The following PPFIA1 variants were observed in gnomAD, a reference collection of about 807,000 sequenced individuals.
PPFIA1 encodes the protein liprin-alpha-1.
A neutral mutation model predicts 149.9 loss-of-function variants in PPFIA1; 25 were observed. The observed-to-expected ratio is 0.17, with a 90% CI of 0.12 to 0.23. The LOEUF (loss-of-function observed/expected upper bound fraction) is 0.23. Ranked by LOEUF, PPFIA1 falls within the 10% of genes least tolerant of loss-of-function variation. The probability of loss-of-function intolerance (pLI) is 1.00; values close to 1 mark genes in which losing one functional copy is unlikely to be tolerated. For missense variants in PPFIA1, 1,362 were observed against 1,506.5 expected (o/e 0.90, Z 1.59); for synonymous variants, 549 against 552.8 (o/e 0.99, Z 0.10).
chr11:70,367,672 T>C (rs755486097), intron 21 of PPFIA1: 18 of 453,744 alleles, frequency 4.0e-5, no homozygotes, highest in South Asian at 2.8e-4. Flanking sequence ...TGGGAGTTCA[T>C]GTTATAGGCC....
intron 2 of PPFIA1, among the ~76,000 whole-genome samples, chr11:70,299,810 G>A (rs574397683): frequency 3.3e-5 from 5 of 152,232 alleles, no homozygotes; most frequent in South Asian, 4.2e-4. Context: ...TCTCAGAGCC[G>A]GGACCTCGGT....
At chr11:70,318,476 TCCCACCTCC>T (rs1313648734) in intron 2 of PPFIA1, among the ~76,000 whole-genome samples, 1 of 152,168 alleles carries the variant, frequency 6.6e-6, no homozygotes, top group African/African-American at 2.4e-5. Context: ...ACTCATCAGT[TCCCACCTCC>T]CCACTGGATT....
chr11:70,314,685 T>C (rs1459303491), intron 2 of PPFIA1, among the ~76,000 whole-genome samples: 1 of 150,518 alleles, frequency 6.6e-6, no homozygotes, highest in Admixed American at 6.6e-5. Flanking sequence ...TTCTGTACTA[T>C]GTTTTTTTAA....
In PPFIA1 at chr11:70,333,492, T is replaced by C. The variant is rs1273496901; in HGVS notation, c.1235T>C (p.Ile412Thr). ...LSKAEERHGN[I>T]EERLRQMEAQ... ...CAGGCTGAAGAGAGACACGGCAACA[T>C]TGAAGAAAGGTTACGACAGATGGAA... The change falls in exon 10 of 28, where the codon ATT becomes ACT. Residue 412 changes from isoleucine (I) to threonine (T), a missense_variant. Ile to Thr is a moderately conservative substitution (Grantham distance 89). This residue lies in a region of PPFIA1 where 733 missense variants were observed against 744.1 expected (regional missense o/e 0.99). Transcript: ENST00000253925. 2.5e-6 allele frequency: 4 copies of C among 1,613,094 alleles called. No individual in the cohort carries two copies. The highest frequency in any genetic ancestry group is 2.7e-5 in the African/African-American group (2 of 74,896).
intron 25 of PPFIA1, among the ~76,000 whole-genome samples, chr11:70,376,940 G>A (rs1221327725): frequency 6.6e-6 from 1 of 152,102 alleles, no homozygotes; most frequent in Non-Finnish European, 1.5e-5. Flanking sequence ...GGGCGTTGTG[G>A]TAGGTGCCTA....
rs190236137 is a variant in PPFIA1 at position 70,273,714 on chromosome 11, A to G, written c.264+1278A>G. Among the ~76,000 whole-genome samples, 9 of 152,310 alleles carry G rather than the reference A, an allele frequency of 5.9e-5. No homozygotes were observed. The East Asian group carries it at 1.7e-3, about 29-fold the overall frequency. On this transcript the variant is annotated intron_variant, in intron 2 of 27. Transcript: ENST00000253925. ...TCTATGTTCCTTTTTTGTTGGATTA[A>G]AGAATCATTAAGATTTTTCTTATTT...
chr11:70,271,799 C>A (rs1202246146), intron 1 of PPFIA1: 1 of 148,822 alleles, frequency 6.7e-6, no homozygotes, highest in Non-Finnish European at 1.5e-5. Context: ...TTTCTCCCCC[C>A]CTACCCCCCC....
chr11:70,281,646 C>T (rs2050766000), intron 2 of PPFIA1, among the ~76,000 whole-genome samples: 1 of 152,178 alleles, frequency 6.6e-6, no homozygotes. Context: ...GCTCTGTAGC[C>T]TCTACTTTCT....
At position 70,333,891 on chromosome 11, in the gene PPFIA1, C is replaced by T. The variant is rs941631503; in HGVS notation, c.1296+338C>T. ...ACCGGCGTGGCCCCCCTACCCCCTG[C>T]AAATGTAGAGGCAGGTCCATTGTCC... On this transcript the variant is annotated intron_variant, in intron 10 of 27. Transcript: ENST00000253925. 3.3e-4 allele frequency among the ~76,000 whole-genome samples: 51 copies of T among 152,282 alleles called. 2 individuals are homozygous for T. The highest frequency in any genetic ancestry group is 2.3e-3 in the Admixed American group (35 of 15,304).
intron 11 of PPFIA1, among the ~76,000 whole-genome samples, chr11:70,336,544 A>G (rs1215896600): frequency 6.6e-6 from 1 of 151,904 alleles, no homozygotes; most frequent in Non-Finnish European, 1.5e-5. Flanking sequence ...TCTCATTTAT[A>G]AATAGGTCAC....
At position 70,339,324 on chromosome 11, in the gene PPFIA1, A is replaced by G; in HGVS notation, c.1707+18A>G. 6.2e-7 allele frequency: 1 copy of G among 1,606,988 alleles called. No homozygotes were observed. The highest frequency in any genetic ancestry group is 8.5e-7 in the Non-Finnish European group (1 of 1,174,824). ...CTTCCAAGGCAAGGTCTTTGTGTGA[A>G]ATACCTCTGCTTACGTGAAAGTTAC... On this transcript the variant is annotated intron_variant, in intron 14 of 27. Coordinates refer to ENST00000253925, the MANE Select transcript of PPFIA1 (RefSeq NM_003626.5).
At chr11:70,356,283 T>C (rs758275621) in intron 19 of PPFIA1, 29 bp downstream of exon 19, 2 of 1,558,514 alleles carry the variant, frequency 1.3e-6, no homozygotes, top group Non-Finnish European at 1.8e-6. Flanking sequence ...CTTCATCTCA[T>C]TGAATGGTTT....
intron 17 of PPFIA1, 21 bp downstream of exon 17, chr11:70,354,473 C>A: frequency 6.3e-7 from 1 of 1,591,812 alleles, no homozygotes; most frequent in Non-Finnish European, 8.5e-7. Context: ...TGCAGCAGCC[C>A]CATGCAGAGC....
At chr11:70,325,716 G>GAGGTCAGGAGTTCCA (rs1358617140) in intron 5 of PPFIA1, 142 bp downstream of exon 5, 1 of 584,602 alleles carries the variant, frequency 1.7e-6, no homozygotes, top group East Asian at 3.2e-5. Context: ...CGGATCACCT[G>GAGGTCAGGAGTTCCA]AGGTCAGGAG....
intron 2 of PPFIA1, among the ~76,000 whole-genome samples, chr11:70,297,437 GATGTAAACAAT>G (rs1007859511): frequency 1.3e-5 from 2 of 152,042 alleles, no homozygotes; most frequent in Non-Finnish European, 2.9e-5. Flanking sequence ...AATGAAAAAA[GATGTAAACAAT>G]ATGGAAACAT....
At chr11:70,301,030 CTGT>C (rs1416541727) in intron 2 of PPFIA1, among the ~76,000 whole-genome samples, 8 of 152,288 alleles carry the variant, frequency 5.3e-5, no homozygotes, top group African/African-American at 1.7e-4. Flanking sequence ...CAATGGCAGT[CTGT>C]TGTTTTCTGC....
intron 2 of PPFIA1, among the ~76,000 whole-genome samples, chr11:70,290,928 C>T (rs1471940022): frequency 6.6e-6 from 1 of 152,192 alleles, no homozygotes; most frequent in Non-Finnish European, 1.5e-5. Context: ...TCTTGTTGCC[C>T]AGGCTGGAAT....
chr11:70,369,302 G>A (rs905886382), intron 21 of PPFIA1, among the ~76,000 whole-genome samples: 1 of 151,068 alleles, frequency 6.6e-6, no homozygotes, highest in Non-Finnish European at 1.5e-5. Context: ...CTTTTCAAAT[G>A]TTGAATCAAC....
At chr11:70,309,388 C>G (rs1401712596) in intron 2 of PPFIA1, among the ~76,000 whole-genome samples, 1 of 152,166 alleles carries the variant, frequency 6.6e-6, no homozygotes, top group Non-Finnish European at 1.5e-5. Flanking sequence ...AAGCTGGTCT[C>G]GAACTTGCGA....
Sources: gnomAD v4.1 joint callset for allele counts (sites outside exome capture counted in the v4.1 genomes callset) on GRCh38, gnomAD v4.1.1 for gene constraint, gnomAD v4.1.1 regional missense constraint, MANE v1.5 for transcripts, NCBI Gene and HGNC (gene_info 2026-07-23, HGNC 2026-07-21) for gene names.